NDST4: variants seen among roughly 807,000 people sequenced by gnomAD.
NDST4 encodes N-deacetylase and N-sulfotransferase 4.
Under a neutral mutation model 100.8 loss-of-function variants are expected in NDST4, and 63 were observed. The observed-to-expected ratio is 0.62, with a 90% CI of 0.51 to 0.77. The LOEUF is 0.77. Among genes scored for constraint, NDST4 ranks in the 30% least tolerant of loss-of-function variants. NDST4 has a pLI of 0.00. For missense variants in NDST4, 943 were observed against 1,018.4 expected (o/e 0.93, Z 1.01); for synonymous variants, 377 against 361.8 (o/e 1.04, Z -0.48).
At chr4:115,022,388 C>T (rs200005077) in intron 2 of NDST4, among the ~76,000 whole-genome samples, 1,500 of 131,404 alleles carry the variant, frequency 0.011, 196 homozygotes, top group East Asian at 0.05. Context: ...CATATGTGTT[C>T]CATATATATG....
intron 6 of NDST4, among the ~76,000 whole-genome samples, chr4:114,893,865 A>G (rs2126207249): frequency 6.6e-6 from 1 of 151,906 alleles, no homozygotes; most frequent in African/African-American, 2.4e-5. Context: ...GGGTTTTATG[A>G]TTTTGGGTTT....
chr4:115,034,366 T>C (rs1474062931), intron 2 of NDST4, among the ~76,000 whole-genome samples: 2 of 152,064 alleles, frequency 1.3e-5, no homozygotes, highest in African/African-American at 2.4e-5. Flanking sequence ...TACATTGCCA[T>C]TGATCTCATC....
Position 114,994,586 on chromosome 4 carries a change from T to C in NDST4, c.979-17312A>G, listed in dbSNP as rs183971150. On this transcript the variant is annotated intron_variant, in intron 2 of 13. Coordinates refer to ENST00000264363, the MANE Select transcript of NDST4 (RefSeq NM_022569.3). ...GTCCCCAGGGTAAAGAAATTTCCAG[T>C]GTTGCTGTAATTACTGTCAGTTGAC... 5.3e-5 allele frequency among the ~76,000 whole-genome samples: 8 copies of C among 152,138 alleles called. No individual in the cohort carries two copies. In the East Asian group the frequency reaches 1.5e-3, roughly 29 times the overall value.
chr4:114,963,191 G>A (rs1165887042), intron 4 of NDST4, among the ~76,000 whole-genome samples: 2 of 151,956 alleles, frequency 1.3e-5, no homozygotes, highest in South Asian at 4.1e-4. Flanking sequence ...GATAAGGAAT[G>A]GATATATAAT....
At chr4:114,977,720 T>G (rs1726669975) in intron 2 of NDST4, among the ~76,000 whole-genome samples, 1 of 151,994 alleles carries the variant, frequency 6.6e-6, no homozygotes, top group South Asian at 2.1e-4. Flanking sequence ...GCCACCTCCC[T>G]CATCATTTTT....
At chr4:114,845,755 G>T (rs1723534180) in intron 10 of NDST4, 68 bp downstream of exon 10, 2 of 1,417,922 alleles carry the variant, frequency 1.4e-6, no homozygotes, top group Non-Finnish European at 1.9e-6. Context: ...TTCTATTCTG[G>T]TTATTTTTCA....
intron 4 of NDST4, among the ~76,000 whole-genome samples, chr4:114,947,367 C>G (rs1471538328): frequency 2.0e-5 from 3 of 152,072 alleles, no homozygotes; most frequent in Admixed American, 6.6e-5. Flanking sequence ...GGAAAGCAAG[C>G]GCCCAAGAAG....
chr4:115,098,306 G>A (rs961620044), intron 1 of NDST4, among the ~76,000 whole-genome samples: 69 of 152,200 alleles, frequency 4.5e-4, no homozygotes, highest in African/African-American at 1.5e-3. Context: ...TTTAAAATTG[G>A]ACAACTATTG....
chr4:114,834,922 G>A (rs1723278531), intron 11 of NDST4, among the ~76,000 whole-genome samples: 1 of 152,164 alleles, frequency 6.6e-6, no homozygotes, highest in South Asian at 2.1e-4. Flanking sequence ...ATTCTCTGAT[G>A]ACAGTTTGTA....
In NDST4 at chr4:114,959,816, T is replaced by C. The variant is rs137992329; in HGVS notation, c.1221+10614A>G. Among the ~76,000 whole-genome samples the C allele has an allele frequency of 2.8e-3, 428 of 152,204 alleles. 7 individuals carry two copies. Among genetic ancestry groups the C allele is most frequent in the Non-Finnish European group, 1.6e-3 (112 of 68,014 alleles). On this transcript the variant is annotated intron_variant, in intron 4 of 13. Coordinates refer to ENST00000264363, the MANE Select transcript of NDST4 (RefSeq NM_022569.3). ...TGGGACACTATTAAATGTACCAATA[T>C]ATGTCAGATGGGATTATCAAAAGAG...
At chr4:114,937,525 A>C in intron 4 of NDST4, 22 bp from the exon 5 acceptor site, 1 of 1,524,488 alleles carries the variant, frequency 6.6e-7, no homozygotes, top group Non-Finnish European at 8.8e-7. Flanking sequence ...CCAGAACAAC[A>C]TCATGATGGG....
chr4:115,035,222 A>T (rs555817404), intron 2 of NDST4, among the ~76,000 whole-genome samples: 1 of 152,302 alleles, frequency 6.6e-6, no homozygotes, highest in South Asian at 2.1e-4. Context: ...CAAAAGACTT[A>T]TGCATTTCCG....
chr4:115,035,187 C>G (rs1457927836), intron 2 of NDST4, among the ~76,000 whole-genome samples: 2 of 152,026 alleles, frequency 1.3e-5, no homozygotes, highest in African/African-American at 2.4e-5. Context: ...TAATGTCATC[C>G]TATTAAGTGA....
intron 3 of NDST4, among the ~76,000 whole-genome samples, chr4:114,971,540 A>T (rs1296506180): frequency 2.0e-5 from 3 of 152,172 alleles, no homozygotes; most frequent in Non-Finnish European, 4.4e-5. Flanking sequence ...AATCGATAAC[A>T]TAAGAATTAA....
In NDST4 at chr4:114,945,880, C is replaced by CTGGGTGAGTCTTGACACTTTT. The variant is rs535550112; in HGVS notation, c.1222-8398_1222-8378dup. On this transcript the variant is annotated intron_variant, in intron 4 of 13. Transcript: ENST00000264363. ...ATGACTATGTGACCCTGGAAATTGG[C>CTGGGTGAGTCTTGACACTTTT]TGGGTGAGTCTTGACACTTTTTGGA... Among the ~76,000 whole-genome samples the CTGGGTGAGTCTTGACACTTTT allele has an allele frequency of 7.2e-3, 1,089 of 152,240 alleles. 9 individuals are homozygous for CTGGGTGAGTCTTGACACTTTT. The highest frequency in any genetic ancestry group is 0.023 in the African/African-American group (952 of 41,530).
chr4:114,841,370 C>T (rs1171975470), intron 10 of NDST4, among the ~76,000 whole-genome samples: 2 of 152,188 alleles, frequency 1.3e-5, no homozygotes, highest in Non-Finnish European at 2.9e-5. Flanking sequence ...ATAGACAGGA[C>T]TAGCTAAGTA....
intron 10 of NDST4, among the ~76,000 whole-genome samples, chr4:114,844,138 T>G (rs370409966): frequency 6.6e-6 from 1 of 152,216 alleles, no homozygotes; most frequent in Non-Finnish European, 1.5e-5. Flanking sequence ...GAATACTTAT[T>G]CTTCATTCAG....
chr4:115,088,434 G>C (rs1300495897), intron 1 of NDST4, among the ~76,000 whole-genome samples: 3 of 151,346 alleles, frequency 2.0e-5, no homozygotes, highest in Non-Finnish European at 4.4e-5. Context: ...GCATCTAAAT[G>C]TTTCATCTGT....
chr4:114,850,774 ATTG>A (rs918646098), intron 8 of NDST4, among the ~76,000 whole-genome samples: 1 of 152,180 alleles, frequency 6.6e-6, no homozygotes, highest in African/African-American at 2.4e-5. Flanking sequence ...TGCTCTTATA[ATTG>A]TTGTGCTAAA....
Sources: gnomAD v4.1 joint callset for allele counts (sites outside exome capture counted in the v4.1 genomes callset) on GRCh38, gnomAD v4.1.1 for gene constraint, MANE v1.5 for transcripts, NCBI Gene and HGNC (gene_info 2026-07-23, HGNC 2026-07-21) for gene names.